The following RXFP1 variants were observed in gnomAD, a reference collection of about 807,000 sequenced individuals.
RXFP1 encodes the protein relaxin family peptide receptor 1, also known as relaxin receptor 1.
Under a neutral mutation model 89.8 loss-of-function variants are expected in RXFP1, and 73 were observed. The observed-to-expected ratio is 0.81, with a 90% CI of 0.67 to 0.99. The LOEUF is 0.99. RXFP1 is among the 50% of genes least tolerant of loss of function. The probability of loss-of-function intolerance (pLI) is 0.00; values close to 1 mark genes in which losing one functional copy is unlikely to be tolerated. For missense variants in RXFP1, 793 were observed against 895.5 expected (o/e 0.89, Z 1.46); for synonymous variants, 277 against 305.5 (o/e 0.91, Z 0.97).
At chr4:158,573,746 T>C (rs1461554824) in intron 2 of RXFP1, among the ~76,000 whole-genome samples, 1 of 152,150 alleles carries the variant, frequency 6.6e-6, no homozygotes, top group African/African-American at 2.4e-5. Context: ...CTTGAGAACA[T>C]TTCCTAGCCT....
chr4:158,592,043 T>A (rs545730270), intron 2 of RXFP1, among the ~76,000 whole-genome samples: 1 of 152,294 alleles, frequency 6.6e-6, no homozygotes, highest in South Asian at 2.1e-4. Context: ...GTCTCTTATG[T>A]TTCAAAGTAA....
chr4:158,603,797 G>A (rs577128805), intron 4 of RXFP1, among the ~76,000 whole-genome samples: 163 of 151,612 alleles, frequency 1.1e-3, no homozygotes, highest in Admixed American at 2.0e-3. Context: ...GGCTGAGGCA[G>A]GAGAATCGCT....
chr4:158,636,412 G>A (rs773327278), intron 12 of RXFP1, among the ~76,000 whole-genome samples: 4 of 151,776 alleles, frequency 2.6e-5, no homozygotes, highest in African/African-American at 4.8e-5. Flanking sequence ...AAGTAGATGC[G>A]GCTCTTTCTC....
At chr4:158,613,299 CA>C (rs1261217791) in intron 8 of RXFP1, among the ~76,000 whole-genome samples, 2 of 152,168 alleles carry the variant, frequency 1.3e-5, no homozygotes, top group Non-Finnish European at 2.9e-5. Context: ...AATAAGATAA[CA>C]ATGAGGTTTG....
intron 2 of RXFP1, 112 bp from the exon 3 acceptor site, chr4:158,593,289 C>T (rs1177999717): frequency 2.0e-5 from 10 of 489,210 alleles, no homozygotes; most frequent in East Asian, 6.5e-5. Context: ...ATGTTTATCT[C>T]GCTACATTTG....
At chr4:158,610,329 A>T (rs901718408) in intron 6 of RXFP1, among the ~76,000 whole-genome samples, 1 of 152,200 alleles carries the variant, frequency 6.6e-6, no homozygotes, top group Non-Finnish European at 1.5e-5. Context: ...GATTAGATCC[A>T]TAAGTATTCA....
chr4:158,589,180 G>A (rs1453174619), intron 2 of RXFP1, among the ~76,000 whole-genome samples: 1 of 152,080 alleles, frequency 6.6e-6, no homozygotes, highest in East Asian at 1.9e-4. Flanking sequence ...CTCACTAGCA[G>A]GAGAACAGCA....
In RXFP1 at chr4:158,648,641, A is replaced by G; in HGVS notation, c.1899A>G (p.Ile633Met). ...TCCTTGCCAAACGTTTTTTCTTTAT[A>G]GTATTTACTGATGCATTATGCTGGA... ...EMILAKRFFF[I>M]VFTDALCWIP... Residue 633 changes from isoleucine to methionine, a missense_variant, in exon 17 of 18, where the codon ATA becomes ATG. Coordinates refer to ENST00000307765, the MANE Select transcript of RXFP1 (RefSeq NM_021634.4). The G allele has an allele frequency of 6.2e-7, 1 of 1,613,230 alleles. No homozygotes were observed. The highest frequency in any genetic ancestry group is 8.5e-7 in the Non-Finnish European group (1 of 1,179,604).
At chr4:158,551,964 A>G (rs753246121) in intron 1 of RXFP1, among the ~76,000 whole-genome samples, 2 of 152,156 alleles carry the variant, frequency 1.3e-5, no homozygotes, top group Non-Finnish European at 2.9e-5. Context: ...AAATAAAGAA[A>G]TTTTTAAAAA....
chr4:158,601,490 AT>A (rs1056563936), intron 4 of RXFP1, among the ~76,000 whole-genome samples: 2 of 152,128 alleles, frequency 1.3e-5, no homozygotes, highest in Admixed American at 6.6e-5. Flanking sequence ...GGTATTTTTT[AT>A]TTTTTGTTCA....
intron 14 of RXFP1, 93 bp from the exon 15 acceptor site, chr4:158,644,812 TTTTC>T (rs1313000097): frequency 1.2e-6 from 1 of 832,936 alleles, no homozygotes; most frequent in Non-Finnish European, 1.9e-6. Context: ...TCTTAAGACA[TTTTC>T]TTTCTACCGA....
At chr4:158,560,182 A>G (rs1344211711) in intron 1 of RXFP1, among the ~76,000 whole-genome samples, 2 of 152,214 alleles carry the variant, frequency 1.3e-5, no homozygotes, top group Non-Finnish European at 2.9e-5. Flanking sequence ...TATCAGTCCC[A>G]ACAATATCTC....
intron 2 of RXFP1, among the ~76,000 whole-genome samples, chr4:158,580,516 A>C (rs531759130): frequency 6.6e-6 from 1 of 152,304 alleles, no homozygotes; most frequent in East Asian, 1.9e-4. Context: ...TTGCGGCAAC[A>C]AACAACAGTA....
intron 6 of RXFP1, among the ~76,000 whole-genome samples, chr4:158,611,511 T>A (rs1763575198): frequency 6.6e-6 from 1 of 152,180 alleles, no homozygotes; most frequent in Non-Finnish European, 1.5e-5. Flanking sequence ...GAGGCCCCAT[T>A]GAATTACCTG....
In RXFP1 at chr4:158,539,064, G is replaced by C. The variant is rs1430450723; in HGVS notation, c.49+17039G>C. On this transcript the variant is annotated intron_variant, in intron 1 of 17. Coordinates refer to ENST00000307765, the MANE Select transcript of RXFP1 (RefSeq NM_021634.4). Reference sequence around the variant, plus strand: ...GTCCTTCCTCACTACTTAACCCAGTGACCTGAATTAGCAACCACCTCCCAT... The same window carrying C: ...GTCCTTCCTCACTACTTAACCCAGTCACCTGAATTAGCAACCACCTCCCAT... 2.0e-5 allele frequency among the ~76,000 whole-genome samples: 3 copies of C among 152,278 alleles called. No homozygotes were observed. In the East Asian group the frequency reaches 5.8e-4, roughly 29 times the overall value.
intron 9 of RXFP1, among the ~76,000 whole-genome samples, chr4:158,626,111 TATAGATAGATAG>T (rs71587463): frequency 0.086 from 11,754 of 136,454 alleles, 621 homozygotes; most frequent in Middle Eastern, 0.11. Flanking sequence ...TAGATATCTA[TATAGATAGATAG>T]ATAGATAGAT....
At chr4:158,588,572 C>G in intron 2 of RXFP1, among the ~76,000 whole-genome samples, 1 of 152,184 alleles carries the variant, frequency 6.6e-6, no homozygotes. Context: ...ACAATTGCTC[C>G]TATGTTTCTG....
intron 3 of RXFP1, chr4:158,599,097 A>C: frequency 1.1e-5 from 6 of 525,518 alleles, no homozygotes; most frequent in Non-Finnish European, 2.0e-5. Context: ...AAAAAAATAC[A>C]TGAGCTAGTG....
chr4:158,553,136 C>T (rs1750540247), intron 1 of RXFP1, among the ~76,000 whole-genome samples: 1 of 152,122 alleles, frequency 6.6e-6, no homozygotes, highest in South Asian at 2.1e-4. Context: ...CTGCAGTGAG[C>T]TCTGATCATG....
Sources: gnomAD v4.1 joint callset for allele counts (sites outside exome capture counted in the v4.1 genomes callset) on GRCh38, gnomAD v4.1.1 for gene constraint, MANE v1.5 for transcripts, NCBI Gene and HGNC (gene_info 2026-07-23, HGNC 2026-07-21) for gene names.